Variants in NAT2 observed in about 807,000 individuals in gnomAD.
The protein encoded by NAT2 is N-acetyltransferase 2.
For missense variants in NAT2, 428 were observed against 339.1 expected (o/e 1.26, Z -2.06); for synonymous variants, 137 against 125.9 (o/e 1.09, Z -0.59).
At chr8:18,394,851 G>A (rs1463397994) in intron 1 of NAT2, among the ~76,000 whole-genome samples, 2 of 152,264 alleles carry the variant, frequency 1.3e-5, no homozygotes, top group South Asian at 4.1e-4. Context: ...CTGAATTTAT[G>A]CAAATAATTA....
chr8:18,391,980 T>G (rs1424292141), intron 1 of NAT2, among the ~76,000 whole-genome samples: 1 of 152,198 alleles, frequency 6.6e-6, no homozygotes, highest in Non-Finnish European at 1.5e-5. Flanking sequence ...TTCAACAAAT[T>G]GCCAATCACA....
At chr8:18,394,604 A>T (rs1184941718) in intron 1 of NAT2, among the ~76,000 whole-genome samples, 1 of 151,066 alleles carries the variant, frequency 6.6e-6, no homozygotes, top group Non-Finnish European at 1.5e-5. Context: ...GTCCCAAAAT[A>T]AGTTGGGGTT....
intron 1 of NAT2, among the ~76,000 whole-genome samples, chr8:18,395,659 C>T (rs887524999): frequency 1.3e-5 from 2 of 152,082 alleles, no homozygotes; most frequent in Non-Finnish European, 2.9e-5. Flanking sequence ...TTTCTTCAGT[C>T]CCCACTTTGA....
Position 18,400,504 on chromosome 8 carries a change from G to A in NAT2, c.501G>A (p.Glu167=). Reference sequence around the variant, plus strand: ...GGTACCTGGACCAAATCAGGAGAGAGCAGTATATTACAAACAAAGAATTTC... The same window carrying A: ...GGTACCTGGACCAAATCAGGAGAGAACAGTATATTACAAACAAAGAATTTC... The part of the protein sequence containing the change: ...GIWYLDQIRR[E]QYITNKEFLN... Residue 167 remains glutamate (E), a synonymous_variant, in exon 2 of 2, where the codon GAG becomes GAA. Transcript: ENST00000286479. 2 of 1,613,674 alleles carry A rather than the reference G, an allele frequency of 1.2e-6. No homozygotes were observed. The highest frequency in any genetic ancestry group is 8.5e-7 in the Non-Finnish European group (1 of 1,179,914).
chr8:18,400,166 A>G lies in NAT2; in HGVS notation c.163A>G (p.Ile55Val). The G allele has an allele frequency of 1.2e-6, 2 of 1,613,910 alleles. No individual in the cohort carries two copies. The highest frequency in any genetic ancestry group is 1.7e-6 in the Non-Finnish European group (2 of 1,179,906). The change falls in exon 2 of 2, where the codon ATT becomes GTT. Residue 55 changes from isoleucine (I) to valine (V), a missense_variant. Coordinates refer to ENST00000286479, the MANE Select transcript of NAT2 (RefSeq NM_000015.3). ...AGCCATGGAGTTGGGCTTAGAGGCT[A>G]TTTTTGATCACATTGTAAGAAGAAA... is the stretch of plus-strand genomic sequence containing the variant. Reference protein sequence around the residue: ...GQAMELGLEAIFDHIVRRNRG... With the variant: ...GQAMELGLEAVFDHIVRRNRG...
At chr8:18,388,067 G>T (rs1222281618), upstream of NAT2, among the ~76,000 whole-genome samples, 2 of 152,210 alleles carry the variant, frequency 1.3e-5, no homozygotes, top group African/African-American at 4.8e-5. Context: ...TCTGCCAGGA[G>T]CATGAAGAGA....
At chr8:18,390,559 A>T (rs1281595566), upstream of NAT2, among the ~76,000 whole-genome samples, 1 of 152,114 alleles carries the variant, frequency 6.6e-6, no homozygotes, top group Non-Finnish European at 1.5e-5. Flanking sequence ...TACAATTGTT[A>T]TGTGTCAAAA....
chr8:18,399,668 T>C (rs137964146), intron 1 of NAT2, among the ~76,000 whole-genome samples: 9 of 152,296 alleles, frequency 5.9e-5, no homozygotes, highest in Non-Finnish European at 1.3e-4. Flanking sequence ...TTGATACCAA[T>C]TGGAATCTCT....
At position 18,401,024 on chromosome 8, in the gene NAT2, T is replaced by C. The variant is rs2552; in HGVS notation, c.*148T>C. ...TTTCATCCATAAAAATGTCAGCATT[T>C]ATTAAAAAACAATAACTTTTTAAAG... On this transcript the variant is annotated 3_prime_UTR_variant, in exon 2 of 2. Coordinates refer to ENST00000286479, the MANE Select transcript of NAT2 (RefSeq NM_000015.3). The C allele has an allele frequency of 0.038, 20,136 of 534,638 alleles. 484 individuals are homozygous for C. Among genetic ancestry groups the C allele is most frequent in the Middle Eastern group, 0.062 (120 of 1,926 alleles). 33.1% of individuals were successfully genotyped at this position (534,638 alleles called of 1,614,324 possible).
Position 18,398,645 on chromosome 8 carries a change from C to T in NAT2, c.-6-1353C>T, listed in dbSNP as rs546325560. ...CTTCCTATGCTGGTACTAAGAGTCA[C>T]GTATTCCCCTGCTCAAGTTACTAGT... On this transcript the variant is annotated intron_variant, in intron 1 of 1. Coordinates refer to ENST00000286479, the MANE Select transcript of NAT2 (RefSeq NM_000015.3). Among the ~76,000 whole-genome samples, 20 of 152,290 alleles carry T rather than the reference C, an allele frequency of 1.3e-4. No individual in the cohort carries two copies. In the South Asian group the frequency reaches 2.9e-3, roughly 22 times the overall value.
At chr8:18,388,249 G>T (rs1295072222), upstream of NAT2, among the ~76,000 whole-genome samples, 2 of 152,060 alleles carry the variant, frequency 1.3e-5, no homozygotes, top group African/African-American at 2.4e-5. Flanking sequence ...TAAAAATACT[G>T]GCTTCATCTG....
chr8:18,387,671 C>T (rs1184703491), upstream of NAT2: 1 of 157,826 alleles, frequency 6.3e-6, no homozygotes, highest in Non-Finnish European at 1.4e-5. Context: ...TCTTTCGCTT[C>T]CTCTTCCGGT....
chr8:18,387,055 AGGGACACGCTGGGCCT>A (rs1800515430), upstream of NAT2: 1 of 152,352 alleles, frequency 6.6e-6, no homozygotes, highest in African/African-American at 2.4e-5. Flanking sequence ...GGCCCAGGCC[AGGGACACGCTGGGCCT>A]GGGGTGGGGG....
At chr8:18,389,550 C>T (rs182562578), upstream of NAT2, among the ~76,000 whole-genome samples, 11 of 152,292 alleles carry the variant, frequency 7.2e-5, no homozygotes, top group African/African-American at 1.9e-4. Context: ...CTTAGATACA[C>T]AAAACTGTCA....
chr8:18,401,104 C>G lies in NAT2; in HGVS notation c.*228C>G, dbSNP rs45539742. ...AAAATAAAGGCATTTTAAGGATGGC[C>G]TGTGATTATCTTGGGAAGCAGAGTG... On this transcript the variant is annotated 3_prime_UTR_variant, in exon 2 of 2. Coordinates refer to ENST00000286479, the MANE Select transcript of NAT2 (RefSeq NM_000015.3). 92 of 389,074 alleles carry G rather than the reference C, an allele frequency of 2.4e-4. No individual in the cohort carries two copies. Among genetic ancestry groups the G allele is most frequent in the African/African-American group, 1.7e-3 (82 of 47,956 alleles). 24.1% of individuals were successfully genotyped at this position (389,074 alleles called of 1,614,324 possible).
At chr8:18,389,344 A>T (rs534386515), upstream of NAT2, among the ~76,000 whole-genome samples, 1 of 152,228 alleles carries the variant, frequency 6.6e-6, no homozygotes, top group Non-Finnish European at 1.5e-5. Context: ...AAGATTTTCT[A>T]GCAAGATCTG....
chr8:18,396,859 G>A (rs937842570), intron 1 of NAT2, among the ~76,000 whole-genome samples: 3 of 152,172 alleles, frequency 2.0e-5, no homozygotes, highest in African/African-American at 7.2e-5. Flanking sequence ...CTTTAAATGT[G>A]ACTAGTTTTG....
intron 1 of NAT2, 86 bp from the exon 2 acceptor site, chr8:18,399,912 A>T: frequency 7.2e-7 from 1 of 1,381,936 alleles, no homozygotes; most frequent in East Asian, 2.3e-5. Flanking sequence ...TTACGTATTT[A>T]AAATACGTTA....
intron 1 of NAT2, among the ~76,000 whole-genome samples, chr8:18,392,839 TAAGA>T (rs200877127): frequency 0.016 from 2,424 of 152,236 alleles, 29 homozygotes; most frequent in Non-Finnish European, 0.025. Context: ...CAACACAGGT[TAAGA>T]GAGAGAGGAA....
Sources: gnomAD v4.1 joint callset for allele counts (sites outside exome capture counted in the v4.1 genomes callset) on GRCh38, gnomAD v4.1.1 for gene constraint, MANE v1.5 for transcripts, NCBI Gene and HGNC (gene_info 2026-07-23, HGNC 2026-07-21) for gene names.